TRIM9: variants seen among roughly 807,000 people sequenced by gnomAD.
TRIM9 encodes the protein tripartite motif containing 9.
TRIM9 carries 26 observed loss-of-function variants against 78.3 expected under a neutral mutation model. The observed-to-expected ratio is 0.33, with a 90% CI of 0.24 to 0.46. TRIM9 has a LOEUF of 0.46. Ranked by LOEUF, TRIM9 falls within the 20% of genes least tolerant of loss-of-function variation. The probability of loss-of-function intolerance (pLI) is 1.00; values close to 1 mark genes in which losing one functional copy is unlikely to be tolerated. For missense variants in TRIM9, 787 were observed against 1,036.4 expected, an observed-to-expected ratio of 0.76 and a Z score of 3.30; for synonymous variants, 398 against 416.5, an observed-to-expected ratio of 0.96 and a Z score of 0.54.
Position 50,986,012 on chromosome 14 carries a change from C to G in TRIM9, c.1736G>C (p.Arg579Pro). 1 of 1,548,426 alleles carries G rather than the reference C, an allele frequency of 6.5e-7. No individual in the cohort carries two copies. The highest frequency in any genetic ancestry group is 8.7e-7 in the Non-Finnish European group (1 of 1,145,920). ...SFPGRSYFDF[R>P]SSPHQLSLHS... Reference sequence around the variant, plus strand: ...CAAGCTCAGCTGGTGGGGTGAGGATCGGAAATCAAAGTAGGATCTCCCGGG... The same window carrying G: ...CAAGCTCAGCTGGTGGGGTGAGGATGGGAAATCAAAGTAGGATCTCCCGGG... The change falls in exon 8 of 13, where the codon CGA becomes CCA. Residue 579 changes from arginine (R) to proline (P), a missense_variant. Coordinates refer to ENST00000684578, the MANE Select transcript of TRIM9 (RefSeq NM_001387360.1).
Position 51,043,601 on chromosome 14 carries a change from A to G in TRIM9, c.823-18241T>C, listed in dbSNP as rs75422786. Among the ~76,000 whole-genome samples the G allele has an allele frequency of 3.3e-3, 500 of 152,316 alleles. 1 individual carries two copies. The highest frequency in any genetic ancestry group is 0.012 in the African/African-American group (481 of 41,576). ...GTGATGTCACAGAAGTTTATATGAA[A>G]TTTGGATGGGAAACTAAATATTAGG... is the stretch of plus-strand genomic sequence containing the variant. On this transcript the variant is annotated intron_variant, in intron 1 of 12. Coordinates refer to ENST00000684578, the MANE Select transcript of TRIM9 (RefSeq NM_001387360.1).
In TRIM9 at chr14:50,979,428, C is replaced by T. The variant is rs1365815451; in HGVS notation, c.2284G>A (p.Gly762Ser). The change falls in exon 12 of 13, where the codon GGC (glycine) becomes AGC (serine). Residue 762 changes from glycine (G) to serine (S), a missense_variant. By Grantham distance (56) the Gly-to-Ser change is moderately conservative. Coordinates refer to ENST00000684578, the MANE Select transcript of TRIM9 (RefSeq NM_001387360.1). ...QGPIAFDNVE[G>S]LFFPAVSLNR... The stretch of plus-strand genomic sequence containing the variant: ...AGGCTGACCGCAGGGAAGAAGAGGC[C>T]CTCCACGTTATCAAATGCTATGGGA... 6.2e-7 allele frequency: 1 copy of T among 1,614,154 alleles called. No homozygotes were observed. The highest frequency in any genetic ancestry group is 1.1e-5 in the South Asian group (1 of 91,082).
At chr14:50,995,521 C>T (rs1038698468) in intron 7 of TRIM9, among the ~76,000 whole-genome samples, 5 of 152,160 alleles carry the variant, frequency 3.3e-5, no homozygotes, top group African/African-American at 1.2e-4. Flanking sequence ...CCCTGCATAA[C>T]GTTACCTTTA....
chr14:50,992,620 T>G (rs956340593), intron 7 of TRIM9, among the ~76,000 whole-genome samples: 1 of 151,940 alleles, frequency 6.6e-6, no homozygotes, highest in Admixed American at 6.6e-5. Flanking sequence ...AATAAGTAAT[T>G]GCAAAAAGAT....
At chr14:50,995,628 C>T (rs900253184) in intron 7 of TRIM9, among the ~76,000 whole-genome samples, 1 of 152,048 alleles carries the variant, frequency 6.6e-6, no homozygotes, top group East Asian at 1.9e-4. Flanking sequence ...GACTTGTTAC[C>T]GCATATGAAA....
intron 1 of TRIM9, among the ~76,000 whole-genome samples, chr14:51,027,132 C>A (rs937984949): frequency 1.2e-5 from 1 of 85,726 alleles, no homozygotes; most frequent in African/African-American, 4.4e-5. Context: ...TGGCTGTTAA[C>A]TTTTTTTTTT....
At chr14:51,011,975 T>A (rs988910558) in intron 3 of TRIM9, among the ~76,000 whole-genome samples, 1 of 152,236 alleles carries the variant, frequency 6.6e-6, no homozygotes, top group Admixed American at 6.5e-5. Flanking sequence ...ATTCCTGTTC[T>A]CTTATTATTG....
intron 7 of TRIM9, chr14:50,986,573 T>C (rs1376192705): frequency 6.5e-6 from 1 of 152,870 alleles, no homozygotes; most frequent in Non-Finnish European, 1.5e-5. Flanking sequence ...ATCTAAGAGA[T>C]GGTGATTTTT....
intron 1 of TRIM9, among the ~76,000 whole-genome samples, chr14:51,066,682 G>T (rs755234265): frequency 6.6e-6 from 1 of 152,212 alleles, no homozygotes; most frequent in Admixed American, 6.5e-5. Context: ...CACATTCAAA[G>T]CACTCCAGTC....
intron 1 of TRIM9, among the ~76,000 whole-genome samples, chr14:51,082,055 C>T (rs1161849375): frequency 6.6e-6 from 1 of 152,168 alleles, no homozygotes; most frequent in African/African-American, 2.4e-5. Flanking sequence ...CCAAAAGATT[C>T]TCAACATCAC....
chr14:50,984,256 C>A (rs1025091457), intron 8 of TRIM9, among the ~76,000 whole-genome samples: 7 of 152,268 alleles, frequency 4.6e-5, no homozygotes, highest in Middle Eastern at 3.4e-3. Context: ...ATTTTATTTT[C>A]TTTTCTATTT....
chr14:51,018,667 G>A (rs1223137097), intron 3 of TRIM9, among the ~76,000 whole-genome samples: 1 of 152,082 alleles, frequency 6.6e-6, no homozygotes, highest in East Asian at 1.9e-4. Flanking sequence ...GGCACACGGA[G>A]GCCCTCAGTA....
chr14:50,998,122 C>T lies in TRIM9; in HGVS notation c.1531G>A (p.Ala511Thr), dbSNP rs2054463479. ...GTTTTGTTGAAGGCCTTGACCCGAGCGTTGTATGTGCTGTTGAAGTGAAGA... is the reference window on the plus strand; with the variant it reads ...GTTTTGTTGAAGGCCTTGACCCGAGTGTTGTATGTGCTGTTGAAGTGAAGA... Reference protein sequence around the residue: ...DGLHFNSTYNARVKAFNKTGV... With the variant: ...DGLHFNSTYNTRVKAFNKTGV... Residue 511 changes from alanine (A) to threonine (T), a missense_variant, in exon 7 of 13, where the codon GCT becomes ACT. By Grantham distance (58) the Ala-to-Thr change is moderately conservative. Around this residue, in one of 3 missense-constraint regions of TRIM9, gnomAD observed 421 missense variants for 514.3 expected, o/e 0.82. Transcript: ENST00000684578. 1 of 1,614,194 alleles carries T rather than the reference C, an allele frequency of 6.2e-7. No homozygotes were observed.
chr14:50,995,163 C>T (rs2139448637), intron 7 of TRIM9, among the ~76,000 whole-genome samples: 1 of 152,226 alleles, frequency 6.6e-6, no homozygotes, highest in East Asian at 1.9e-4. Flanking sequence ...CTTTCCTTTT[C>T]TCTTAATAGC....
chr14:51,078,642 C>A (rs77458384), intron 1 of TRIM9, among the ~76,000 whole-genome samples: 3 of 152,028 alleles, frequency 2.0e-5, no homozygotes, highest in Admixed American at 1.3e-4. Flanking sequence ...ATTTACTGTA[C>A]AACATACAAC....
intron 1 of TRIM9, among the ~76,000 whole-genome samples, chr14:51,046,056 T>C (rs1019793315): frequency 2.6e-5 from 4 of 151,874 alleles, no homozygotes; most frequent in Non-Finnish European, 5.9e-5. Context: ...AAAAAGCAAA[T>C]TGCAATACGA....
At chr14:51,013,487 T>C (rs2056820559) in intron 3 of TRIM9, among the ~76,000 whole-genome samples, 1 of 152,236 alleles carries the variant, frequency 6.6e-6, no homozygotes, top group East Asian at 1.9e-4. Flanking sequence ...TCCTTCTTTT[T>C]CAAGATTGTT....
intron 1 of TRIM9, among the ~76,000 whole-genome samples, chr14:51,081,772 G>T (rs1193933100): frequency 1.3e-5 from 2 of 152,118 alleles, no homozygotes; most frequent in African/African-American, 2.4e-5. Context: ...ATATTTACTG[G>T]TTTATTATGG....
intron 8 of TRIM9, among the ~76,000 whole-genome samples, chr14:50,984,226 T>C (rs2052399491): frequency 6.6e-6 from 1 of 152,288 alleles, no homozygotes; most frequent in African/African-American, 2.4e-5. Flanking sequence ...TGATGAACAC[T>C]GGGGGATAAA....
Sources: gnomAD v4.1 joint callset for allele counts (sites outside exome capture counted in the v4.1 genomes callset) on GRCh38, gnomAD v4.1.1 for gene constraint, gnomAD v4.1.1 regional missense constraint, MANE v1.5 for transcripts, NCBI Gene and HGNC (gene_info 2026-07-23, HGNC 2026-07-21) for gene names.